CSMD2: variants seen among roughly 807,000 people sequenced by gnomAD.
CSMD2 encodes CUB and sushi domain-containing protein 2.
In CSMD2, 130 loss-of-function variants were observed where a neutral mutation model predicts 398.5. That is an observed-to-expected ratio of 0.33 (90% CI 0.28 to 0.38). CSMD2 has a LOEUF of 0.38. CSMD2 is among the 10% of genes least tolerant of loss of function. CSMD2 has a pLI of 1.00. For missense variants in CSMD2, 3,829 were observed against 4,764.9 expected (o/e 0.80, Z 5.78); for synonymous variants, 1,828 against 1,908.5 (o/e 0.96, Z 1.10).
chr1:33,979,920 T>C (rs1570701042), intron 3 of CSMD2, among the ~76,000 whole-genome samples: 2 of 152,322 alleles, frequency 1.3e-5, no homozygotes, highest in African/African-American at 2.4e-5. Context: ...TTTATAAAGA[T>C]TGACTATTGT....
chr1:34,125,131 C>A (rs899783685), intron 1 of CSMD2, among the ~76,000 whole-genome samples: 16 of 152,106 alleles, frequency 1.1e-4, no homozygotes, highest in Non-Finnish European at 1.8e-4. Flanking sequence ...GTGACAAATC[C>A]CTCTATAGTG....
At chr1:33,977,920 C>T (rs1274699252) in intron 3 of CSMD2, among the ~76,000 whole-genome samples, 2 of 152,076 alleles carry the variant, frequency 1.3e-5, no homozygotes, top group African/African-American at 4.8e-5. Flanking sequence ...CAGAAGCGGG[C>T]AGGGGTCCCG....
chr1:33,674,835 G>A (rs1467141246), intron 25 of CSMD2, among the ~76,000 whole-genome samples: 1 of 152,174 alleles, frequency 6.6e-6, no homozygotes, highest in Non-Finnish European at 1.5e-5. Context: ...CATGGAAACT[G>A]AACAATCTGC....
chr1:33,535,383 C>A (rs1325662876), intron 62 of CSMD2, among the ~76,000 whole-genome samples: 1 of 152,182 alleles, frequency 6.6e-6, no homozygotes, highest in East Asian at 1.9e-4. Flanking sequence ...TACCTCTAAA[C>A]AATTTAGTAA....
intron 31 of CSMD2, among the ~76,000 whole-genome samples, chr1:33,634,448 G>A (rs962786441): frequency 1.3e-5 from 2 of 152,056 alleles, no homozygotes; most frequent in South Asian, 2.1e-4. Context: ...CTGGGTGGTC[G>A]GGACATGTTG....
intron 14 of CSMD2, among the ~76,000 whole-genome samples, chr1:33,742,408 C>T (rs973164628): frequency 6.6e-6 from 1 of 152,210 alleles, no homozygotes; most frequent in Non-Finnish European, 1.5e-5. Flanking sequence ...ACTCGCCCTT[C>T]ACAAGCAGCC....
At chr1:33,954,604 C>T (rs947827475) in intron 3 of CSMD2, among the ~76,000 whole-genome samples, 2 of 152,202 alleles carry the variant, frequency 1.3e-5, no homozygotes. Context: ...TACATCCGAA[C>T]GACGGAATGT....
At chr1:33,763,007 G>A (rs926264350) in intron 13 of CSMD2, among the ~76,000 whole-genome samples, 1 of 152,062 alleles carries the variant, frequency 6.6e-6, no homozygotes, top group African/African-American at 2.4e-5. Context: ...ACGGACCCTG[G>A]GAGACTACAA....
intron 10 of CSMD2, among the ~76,000 whole-genome samples, chr1:33,808,970 G>A (rs1656541721): frequency 1.1e-5 from 1 of 91,004 alleles, no homozygotes; most frequent in Admixed American, 1.2e-4. Flanking sequence ...TTACTAAAAT[G>A]GAGTCAAGAA....
intron 44 of CSMD2, chr1:33,592,196 A>T (rs1411352096): frequency 1.8e-6 from 1 of 566,326 alleles, no homozygotes; most frequent in African/African-American, 1.9e-5. Context: ...GAAACCAAGG[A>T]AATTTTTCCA....
intron 5 of CSMD2, among the ~76,000 whole-genome samples, chr1:33,903,562 A>T (rs1283970668): frequency 6.6e-6 from 1 of 152,342 alleles, no homozygotes; most frequent in Non-Finnish European, 1.5e-5. Flanking sequence ...AATTAGCCAC[A>T]GGACATTGTA....
chr1:33,842,626 A>C (rs2125068278), intron 6 of CSMD2, among the ~76,000 whole-genome samples: 1 of 152,334 alleles, frequency 6.6e-6, no homozygotes, highest in East Asian at 1.9e-4. Context: ...TAAACTGCTC[A>C]GCTCTGCCCT....
intron 1 of CSMD2, among the ~76,000 whole-genome samples, chr1:34,137,176 A>G (rs1480185549): frequency 6.6e-6 from 1 of 151,714 alleles, no homozygotes; most frequent in Non-Finnish European, 1.5e-5. Flanking sequence ...TATCCATCCC[A>G]TCCATCCGTC....
intron 5 of CSMD2, among the ~76,000 whole-genome samples, chr1:33,908,085 C>CAAAAAAAAAAAAAAAAAAAAAA (rs35932181): frequency 1.3e-5 from 1 of 77,164 alleles, no homozygotes; most frequent in African/African-American, 6.1e-5. Flanking sequence ...GACTCCATCT[C>CAAAAAAAAAAAAAAAAAAAAAA]AAAAAAAAAA....
At position 33,636,724 on chromosome 1, in the gene CSMD2, G is replaced by C. The variant is rs1642828378; in HGVS notation, c.4775-170C>G. Among the ~76,000 whole-genome samples, 1 of 152,038 alleles carries C rather than the reference G, an allele frequency of 6.6e-6. No homozygotes were observed. On this transcript the variant is annotated intron_variant, in intron 29 of 70. Transcript: ENST00000373381. This position sits in a 1 kb window ranked among gnomAD's most constrained non-coding sequence, Gnocchi z 4.8. ...CAGGTCTAGAAACGTCTCTAAATTTGGGTAGAAATTGAAGGATGGAAATCA... is the reference window on the plus strand; with the variant it reads ...CAGGTCTAGAAACGTCTCTAAATTTCGGTAGAAATTGAAGGATGGAAATCA...
chr1:33,881,837 AT>A (rs992705846), intron 5 of CSMD2, among the ~76,000 whole-genome samples: 4 of 152,172 alleles, frequency 2.6e-5, no homozygotes, highest in African/African-American at 7.2e-5. Flanking sequence ...TTGTATATTA[AT>A]TTTTTAACTT....
At chr1:33,592,038 G>A (rs1289453893) in intron 44 of CSMD2, 7 of 303,534 alleles carry the variant, frequency 2.3e-5, no homozygotes, top group South Asian at 9.9e-5. Flanking sequence ...TGGGTCCTAG[G>A]TTGTTGTATT....
At chr1:33,897,183 C>T (rs1376659055) in intron 5 of CSMD2, among the ~76,000 whole-genome samples, 1 of 152,112 alleles carries the variant, frequency 6.6e-6, no homozygotes, top group Non-Finnish European at 1.5e-5. Flanking sequence ...AGGAACACCA[C>T]ATGAAGTAGG....
At chr1:34,029,792 G>C (rs1267990158) in intron 3 of CSMD2, among the ~76,000 whole-genome samples, 1 of 152,236 alleles carries the variant, frequency 6.6e-6, no homozygotes, top group Non-Finnish European at 1.5e-5. Context: ...CATTGGTCTA[G>C]CCTTTGCAGG....
Sources: allele counts gnomAD v4.1 joint callset (sites outside exome capture counted in the v4.1 genomes callset), GRCh38; gene constraint gnomAD v4.1.1; non-coding constraint Gnocchi (gnomAD v3.1); transcripts MANE v1.5; gene names NCBI Gene and HGNC (gene_info 2026-07-23, HGNC 2026-07-21).